PTPRD: variants seen among roughly 807,000 people sequenced by gnomAD.
PTPRD encodes the protein protein tyrosine phosphatase receptor type D, also known as receptor-type tyrosine-protein phosphatase delta.
A neutral mutation model predicts 214.5 loss-of-function variants in PTPRD; 34 were observed. The ratio of observed to expected loss-of-function variants is 0.16; its 90% CI spans 0.12 to 0.21. PTPRD has a LOEUF of 0.21. PTPRD is among the 10% of genes least tolerant of loss of function. The probability of loss-of-function intolerance (pLI) is 1.00; values close to 1 mark genes in which losing one functional copy is unlikely to be tolerated. For missense variants in PTPRD, 2,545 were observed against 2,398.7 expected, an observed-to-expected ratio of 1.06 and a Z score of -1.27; for synonymous variants, 1,128 against 845.7, an observed-to-expected ratio of 1.33 and a Z score of -5.79.
At chr9:9,883,797 C>T (rs1314230349) in intron 5 of PTPRD, among the ~76,000 whole-genome samples, 1 of 151,992 alleles carries the variant, frequency 6.6e-6, no homozygotes, top group Non-Finnish European at 1.5e-5. Context: ...TCTCATTTTC[C>T]AGGGCAAACT....
At chr9:8,726,387 G>T (rs143353495) in intron 12 of PTPRD, among the ~76,000 whole-genome samples, 2 of 150,946 alleles carry the variant, frequency 1.3e-5, no homozygotes, top group East Asian at 2.0e-4. Flanking sequence ...TCAGGAGTTC[G>T]AGACCAGCCT....
intron 11 of PTPRD, among the ~76,000 whole-genome samples, chr9:8,767,337 G>A (rs1191944162): frequency 2.6e-5 from 4 of 151,890 alleles, no homozygotes; most frequent in Non-Finnish European, 4.4e-5. Flanking sequence ...GGCTGGTCTC[G>A]AACTCCTGAC....
At chr9:8,855,178 A>T (rs1442502998) in intron 11 of PTPRD, among the ~76,000 whole-genome samples, 2 of 151,532 alleles carry the variant, frequency 1.3e-5, no homozygotes, top group African/African-American at 4.9e-5. Flanking sequence ...CATATGCCAT[A>T]CCAGGATACC....
intron 2 of PTPRD, among the ~76,000 whole-genome samples, chr9:10,423,702 T>G (rs947562504): frequency 4.6e-5 from 7 of 152,052 alleles, no homozygotes; most frequent in African/African-American, 1.7e-4. Context: ...TAGCATTAAA[T>G]TATGCCCCCA....
intron 11 of PTPRD, among the ~76,000 whole-genome samples, chr9:8,869,875 T>C (rs1586973356): frequency 6.6e-6 from 1 of 152,002 alleles, no homozygotes; most frequent in Admixed American, 6.6e-5. Flanking sequence ...TGGTAGGAGG[T>C]TTGAATCCTA....
chr9:9,101,370 G>T (rs755020490), intron 10 of PTPRD, among the ~76,000 whole-genome samples: 2 of 152,084 alleles, frequency 1.3e-5, no homozygotes, highest in Non-Finnish European at 2.9e-5. Context: ...GTTCTTGAAT[G>T]AACAGTACGA....
At chr9:10,468,847 A>G (rs2099011833) in intron 2 of PTPRD, among the ~76,000 whole-genome samples, 1 of 152,132 alleles carries the variant, frequency 6.6e-6, no homozygotes, top group African/African-American at 2.4e-5. Context: ...CAATGAATAC[A>G]TTTAATTACT....
At chr9:10,509,755 C>T (rs192255700) in intron 2 of PTPRD, among the ~76,000 whole-genome samples, 75 of 151,294 alleles carry the variant, frequency 5.0e-4, no homozygotes, top group African/African-American at 1.5e-3. Flanking sequence ...GATCTGGATG[C>T]TACTATGTTC....
At chr9:9,886,650 G>T (rs1197714193) in intron 5 of PTPRD, among the ~76,000 whole-genome samples, 4 of 152,096 alleles carry the variant, frequency 2.6e-5, no homozygotes, top group Non-Finnish European at 5.9e-5. Flanking sequence ...CTTGAATCTG[G>T]GCAGGAATGG....
chr9:9,945,483 G>T (rs576398305), intron 4 of PTPRD, among the ~76,000 whole-genome samples: 56 of 152,230 alleles, frequency 3.7e-4, no homozygotes, highest in Non-Finnish European at 3.7e-4. Context: ...AAATATGCAG[G>T]AAGTCAGAGA....
chr9:10,380,035 C>T (rs1005495267), intron 2 of PTPRD, among the ~76,000 whole-genome samples: 1 of 152,058 alleles, frequency 6.6e-6, no homozygotes, highest in Non-Finnish European at 1.5e-5. Context: ...GCATTACTCA[C>T]AGCAAGCTGG....
intron 2 of PTPRD, among the ~76,000 whole-genome samples, chr9:10,558,574 A>T (rs2063140885): frequency 6.6e-6 from 1 of 152,174 alleles, no homozygotes; most frequent in South Asian, 2.1e-4. Context: ...AACATTTCTC[A>T]GCCTAGTTAA....
Position 9,019,317 on chromosome 9 carries a change from A to AAAGAAAGAAAGAAAGAAAGG in PTPRD, c.-142-583_-142-582insCCTTTCTTTCTTTCTTTCTT, listed in dbSNP as rs1569429046. ...GAAAGAAAGAAAGAAAGAAAGAAAG[A>AAAGAAAGAAAGAAAGAAAGG]AAGAAAGAAAGAAAGAAAGAACGAA... On this transcript the variant is annotated intron_variant, in intron 10 of 45. Coordinates refer to ENST00000381196, the MANE Select transcript of PTPRD (RefSeq NM_002839.4). Among the ~76,000 whole-genome samples, 557 of 116,926 alleles carry AAAGAAAGAAAGAAAGAAAGG rather than the reference A, an allele frequency of 4.8e-3. 6 individuals are homozygous for AAAGAAAGAAAGAAAGAAAGG. The highest frequency in any genetic ancestry group is 8.8e-3 in the Middle Eastern group (2 of 226). The allele number at this position is 116,926 out of a possible 152,430, so 76.7% of individuals were successfully genotyped here.
intron 30 of PTPRD, among the ~76,000 whole-genome samples, chr9:8,481,434 C>A (rs534199938): frequency 5.0e-4 from 76 of 152,256 alleles, no homozygotes; most frequent in African/African-American, 1.8e-3. Flanking sequence ...CTAAATTACA[C>A]AAATTATACT....
At chr9:9,905,356 C>A (rs867440087) in intron 5 of PTPRD, among the ~76,000 whole-genome samples, 3 of 151,762 alleles carry the variant, frequency 2.0e-5, no homozygotes, top group Non-Finnish European at 2.9e-5. Flanking sequence ...TTGTTATTGA[C>A]TAGTAAATGA....
chr9:9,625,432 G>A (rs932656030), intron 7 of PTPRD, among the ~76,000 whole-genome samples: 1 of 152,146 alleles, frequency 6.6e-6, no homozygotes, highest in South Asian at 2.1e-4. Context: ...TAGCACCAGC[G>A]TCTGGGAGCT....
intron 9 of PTPRD, among the ~76,000 whole-genome samples, chr9:9,377,895 TTTG>T (rs1454230494): frequency 6.6e-6 from 1 of 151,680 alleles, no homozygotes; most frequent in Non-Finnish European, 1.5e-5. Flanking sequence ...AGATTTTTGT[TTTG>T]TTGTTGTTTC....
chr9:8,545,919 C>T (rs1327222710), intron 14 of PTPRD, among the ~76,000 whole-genome samples: 1 of 152,178 alleles, frequency 6.6e-6, no homozygotes, highest in Non-Finnish European at 1.5e-5. Flanking sequence ...CAAACTCTAG[C>T]TAAACGTAGA....
In PTPRD at chr9:8,481,011, G is replaced by C. The variant is rs186912148; in HGVS notation, c.3413+3108C>G. 2.6e-3 allele frequency among the ~76,000 whole-genome samples: 402 copies of C among 151,986 alleles called. 2 individuals are homozygous for C. The highest frequency in any genetic ancestry group is 9.4e-3 in the African/African-American group (388 of 41,460). On this transcript the variant is annotated intron_variant, in intron 30 of 45. Transcript: ENST00000381196. ...AAAGATTAGCCAGGCGTGGTGGTGG[G>C]CTCCTGTAGTCACAGCCGCTCGAGA... is the stretch of plus-strand genomic sequence containing the variant.
Sources: allele counts gnomAD v4.1 joint callset (sites outside exome capture counted in the v4.1 genomes callset), GRCh38; gene constraint gnomAD v4.1.1; transcripts MANE v1.5; gene names NCBI Gene and HGNC (gene_info 2026-07-23, HGNC 2026-07-21).